VPS50: variants seen among roughly 807,000 people sequenced by gnomAD.
VPS50 encodes the protein syndetin.
VPS50 carries 70 observed loss-of-function variants against 139.7 expected under a neutral mutation model. That is an observed-to-expected ratio of 0.50 (90% CI 0.41 to 0.61). VPS50 has a LOEUF of 0.61. Among genes scored for constraint, VPS50 ranks in the 20% least tolerant of loss-of-function variants. The pLI is 0.00. For missense variants in VPS50, 921 were observed against 1,133.7 expected (o/e 0.81, Z 2.69); for synonymous variants, 365 against 376.7 (o/e 0.97, Z 0.36).
intron 9 of VPS50, among the ~76,000 whole-genome samples, chr7:93,263,581 T>C (rs1444036845): frequency 6.6e-6 from 1 of 152,220 alleles, no homozygotes; most frequent in Non-Finnish European, 1.5e-5. Flanking sequence ...GTTTTTGTTT[T>C]TGGTAGAGTG....
chr7:93,342,924 A>G (rs10269812), intron 23 of VPS50, among the ~76,000 whole-genome samples: 75,358 of 152,012 alleles, frequency 0.5, 20,876 homozygotes, highest in African/African-American at 0.75. Context: ...AAAGCACAGC[A>G]CCTCTCCTCC....
At position 93,311,175 on chromosome 7, in the gene VPS50, G is replaced by A. The variant is rs757826213; in HGVS notation, c.1758G>A (p.Arg586=). The change falls in exon 20 of 28, where the codon CGG becomes CGA. Residue 586 remains arginine (R), a synonymous_variant. Coordinates refer to ENST00000305866, the MANE Select transcript of VPS50 (RefSeq NM_017667.4). ...TGDGPVKSVS[R]ETLKSRKKSD... is the part of the protein sequence containing the mutation. ...GTTTTTCCATATCAAGTGTTTCTCGGGAAACTCTAAAAAGCAGGAAGAAAT... is the reference window on the plus strand; with the variant it reads ...GTTTTTCCATATCAAGTGTTTCTCGAGAAACTCTAAAAAGCAGGAAGAAAT... 3.2e-6 allele frequency: 4 copies of A among 1,256,798 alleles called. No individual in the cohort carries two copies. The Admixed American group carries it at 6.7e-5, about 21-fold the overall frequency. 77.9% of individuals were successfully genotyped at this position (1,256,798 alleles called of 1,614,324 possible). A position where few individuals can be genotyped will look rare whatever the true frequency, so the allele number is the denominator to read the frequency against.
intron 10 of VPS50, among the ~76,000 whole-genome samples, chr7:93,271,713 A>T (rs2116882430): frequency 6.6e-6 from 1 of 151,872 alleles, no homozygotes; most frequent in African/African-American, 2.4e-5. Flanking sequence ...ACTAAAAAGG[A>T]AGAGATATGT....
chr7:93,264,738 A>G (rs902081872), intron 9 of VPS50, among the ~76,000 whole-genome samples: 2 of 152,172 alleles, frequency 1.3e-5, no homozygotes, highest in African/African-American at 4.8e-5. Flanking sequence ...TTCTTCCCCT[A>G]TTGCATTAAT....
chr7:93,243,559 T>C (rs898574768), intron 2 of VPS50, among the ~76,000 whole-genome samples: 29 of 152,124 alleles, frequency 1.9e-4, no homozygotes, highest in African/African-American at 6.5e-4. Flanking sequence ...AATTTCATTC[T>C]TCGAAATGGA....
At chr7:93,343,757 T>A (rs1798299334) in intron 23 of VPS50, among the ~76,000 whole-genome samples, 1 of 151,940 alleles carries the variant, frequency 6.6e-6, no homozygotes, top group Non-Finnish European at 1.5e-5. Context: ...AGAAATAAAA[T>A]ACTTTACAGA....
At chr7:93,275,744 T>C (rs1796135355) in intron 11 of VPS50, 1 of 156,464 alleles carries the variant, frequency 6.4e-6, no homozygotes, top group Non-Finnish European at 1.4e-5. Flanking sequence ...GATGCAGAGA[T>C]AGAAAGTACT....
In VPS50 at chr7:93,296,611, A is replaced by C. The variant is rs1353880032; in HGVS notation, c.1168-131A>C. Reference sequence around the variant, plus strand: ...CTTAAGGATGTTGGCTATTGGCCTAAATAGATATTCGTTAACAAATTAGGA... The same window carrying C: ...CTTAAGGATGTTGGCTATTGGCCTACATAGATATTCGTTAACAAATTAGGA... On this transcript the variant is annotated intron_variant, in intron 14 of 27. Coordinates refer to ENST00000305866, the MANE Select transcript of VPS50 (RefSeq NM_017667.4). 5.5e-6 allele frequency: 8 copies of C among 1,454,010 alleles called. No individual in the cohort carries two copies. The African/African-American group carries it at 7.3e-5, about 13-fold the overall frequency. The allele number at this position is 1,454,010 out of a possible 1,614,324, so 90.1% of individuals were successfully genotyped here.
At position 93,303,545 on chromosome 7, in the gene VPS50, C is replaced by T. The variant is rs1377095457; in HGVS notation, c.1447C>T (p.Leu483Phe). The T allele has an allele frequency of 2.0e-6, 3 of 1,463,452 alleles. No homozygotes were observed. Among genetic ancestry groups the T allele is most frequent in the African/African-American group, 2.8e-5 (2 of 71,522 alleles). 90.7% of individuals were successfully genotyped at this position (1,463,452 alleles called of 1,614,324 possible). A position where few individuals can be genotyped will look rare whatever the true frequency, so the allele number is the denominator to read the frequency against. Residue 483 changes from leucine to phenylalanine, a missense_variant, in exon 17 of 28, where the codon CTT becomes TTT. By Grantham distance (22) the Leu-to-Phe change is conservative. This residue lies in a region of VPS50 where 744 missense variants were observed against 930.6 expected (regional missense o/e 0.80). Coordinates refer to ENST00000305866, the MANE Select transcript of VPS50 (RefSeq NM_017667.4). ...TAAGTCAAATTTCAGCATCTTGCAA[C>T]TTCATGTAAGTGTTTCTTAAGAACA... The part of the protein sequence containing the change: ...PVKSNFSILQ[L>F]HEFKFMEQSR...
chr7:93,322,586 C>T lies in VPS50; in HGVS notation c.1856-1025C>T, dbSNP rs568906280. On this transcript the variant is annotated intron_variant, in intron 20 of 27. Transcript: ENST00000305866. ...CTGCACTCCAGCCTGGGCGACAGAG[C>T]GAGACTCCGTCTCAAAAAAAAAAAA... Among the ~76,000 whole-genome samples the T allele has an allele frequency of 4.5e-3, 531 of 118,396 alleles. 2 individuals are homozygous for T. The highest frequency in any genetic ancestry group is 0.018 in the African/African-American group (506 of 28,826). The allele number at this position is 118,396 out of a possible 152,430, so 77.7% of individuals were successfully genotyped here.
chr7:93,264,495 C>T (rs1160232126), intron 9 of VPS50, among the ~76,000 whole-genome samples: 3 of 152,136 alleles, frequency 2.0e-5, no homozygotes, highest in Admixed American at 1.3e-4. Context: ...CTTGAGGGAG[C>T]CTGATAGCTT....
intron 9 of VPS50, among the ~76,000 whole-genome samples, chr7:93,266,447 T>C (rs1795846490): frequency 6.6e-6 from 1 of 152,220 alleles, no homozygotes; most frequent in African/African-American, 2.4e-5. Flanking sequence ...TATAGTCAGA[T>C]TTGTTCAAAA....
At chr7:93,331,060 C>A (rs898257245) in intron 21 of VPS50, among the ~76,000 whole-genome samples, 13 of 151,910 alleles carry the variant, frequency 8.6e-5, no homozygotes, top group Admixed American at 8.5e-4. Flanking sequence ...TAACAGATAA[C>A]TTGATAGGCT....
At chr7:93,318,203 T>G (rs1275301741) in intron 20 of VPS50, among the ~76,000 whole-genome samples, 2 of 152,144 alleles carry the variant, frequency 1.3e-5, no homozygotes, top group Non-Finnish European at 2.9e-5. Flanking sequence ...AGTTGCTAGC[T>G]TTATGTACAG....
At chr7:93,350,139 C>G in intron 25 of VPS50, 106 bp downstream of exon 25, 1 of 691,060 alleles carries the variant, frequency 1.4e-6, no homozygotes, top group Non-Finnish European at 2.2e-6. Context: ...TACCACATTT[C>G]TAGCATTGTG....
chr7:93,305,800 G>A (rs767264977), intron 17 of VPS50, 28 bp from the exon 18 acceptor site: 7 of 1,581,788 alleles, frequency 4.4e-6, no homozygotes, highest in Non-Finnish European at 5.2e-6. Flanking sequence ...GTTGCTAAAG[G>A]GTATCTGGCT....
At chr7:93,303,379 T>G in intron 16 of VPS50, 81 bp from the exon 17 acceptor site, 1 of 579,576 alleles carries the variant, frequency 1.7e-6, no homozygotes. Flanking sequence ...TAATTATTTG[T>G]ATTGTACATT....
chr7:93,248,141 ATTT>A (rs1795211435), intron 2 of VPS50, among the ~76,000 whole-genome samples: 1 of 151,916 alleles, frequency 6.6e-6, no homozygotes, highest in Admixed American at 6.6e-5. Flanking sequence ...TATTTTAAAC[ATTT>A]TTAAGACTGA....
chr7:93,323,802 TTCTC>T, intron 21 of VPS50, 70 bp downstream of exon 21: 4 of 797,940 alleles, frequency 5.0e-6, no homozygotes, highest in East Asian at 3.6e-5. Context: ...AAGTTTTTCA[TTCTC>T]TCTATAGAAG....
Sources: allele counts gnomAD v4.1 joint callset (sites outside exome capture counted in the v4.1 genomes callset), GRCh38; gene constraint gnomAD v4.1.1; regional missense constraint gnomAD v4.1.1; transcripts MANE v1.5; gene names NCBI Gene and HGNC (gene_info 2026-07-23, HGNC 2026-07-21).